Variants in PCLO observed in about 807,000 individuals in gnomAD.
The protein encoded by PCLO is piccolo presynaptic cytomatrix protein.
Under a neutral mutation model 427.5 loss-of-function variants are expected in PCLO, and 82 were observed. That is an observed-to-expected ratio of 0.19 (90% confidence interval 0.16 to 0.23). The LOEUF (loss-of-function observed/expected upper bound fraction) is 0.23, where lower values mean the gene tolerates loss of function less well. Ranked by LOEUF, PCLO falls within the 10% of genes least tolerant of loss-of-function variation. The probability of loss-of-function intolerance (pLI) is 1.00; values close to 1 mark genes in which losing one functional copy is unlikely to be tolerated. For synonymous variants in PCLO, 2,357 were observed against 2,155.4 expected (o/e 1.09, Z -2.59); for missense variants, 6,239 against 6,115.9 (o/e 1.02, Z -0.67).
chr7:82,818,381 C>T (rs573366674), intron 20 of PCLO, among the ~76,000 whole-genome samples: 4 of 152,192 alleles, frequency 2.6e-5, no homozygotes, highest in South Asian at 2.1e-4. Flanking sequence ...CAGATGGACC[C>T]GCAGCCTTTT....
At chr7:82,789,183 G>T (rs2129468349) in intron 22 of PCLO, among the ~76,000 whole-genome samples, 1 of 152,160 alleles carries the variant, frequency 6.6e-6, no homozygotes, top group South Asian at 2.1e-4. Flanking sequence ...ACCACATTCT[G>T]AAAATACATA....
chr7:82,969,147 G>A (rs1795847668), intron 3 of PCLO, among the ~76,000 whole-genome samples: 2 of 152,010 alleles, frequency 1.3e-5, no homozygotes, highest in South Asian at 4.1e-4. Flanking sequence ...AAAATGTGTT[G>A]AGAAAATAAA....
At chr7:83,002,852 A>G (rs868863845) in intron 3 of PCLO, among the ~76,000 whole-genome samples, 3 of 151,850 alleles carry the variant, frequency 2.0e-5, no homozygotes, top group Non-Finnish European at 4.4e-5. Flanking sequence ...GGTACTGTTC[A>G]GTGTTCTGAG....
chr7:83,115,970 G>GCA (rs139425794), intron 3 of PCLO, among the ~76,000 whole-genome samples: 4 of 149,660 alleles, frequency 2.7e-5, no homozygotes, highest in Admixed American at 6.7e-5. Context: ...ACTCTCACAT[G>GCA]CACACACACA....
intron 22 of PCLO, among the ~76,000 whole-genome samples, chr7:82,779,626 AT>A (rs556892530): frequency 1.1e-4 from 17 of 151,814 alleles, no homozygotes; most frequent in Non-Finnish European, 2.2e-4. Flanking sequence ...CAAACAGGAA[AT>A]TTTTTTTCTG....
In PCLO at chr7:82,950,565, A is replaced by G; in HGVS notation, c.10023T>C (p.Tyr3341=). ...AAAATTGACTGCCTTCCAGAGCAGC[A>G]TACTGACCTTCCAAAATTGCCTGCT... ...TTEQAILEGQ[Y]AALEGSQFWA... The change falls in exon 6 of 25, where the codon TAT becomes TAC. Residue 3341 remains tyrosine, a synonymous_variant. Coordinates refer to ENST00000333891, the MANE Select transcript of PCLO (RefSeq NM_033026.6). 1 of 1,613,886 alleles carries G rather than the reference A, an allele frequency of 6.2e-7. No homozygotes were observed.
intron 9 of PCLO, among the ~76,000 whole-genome samples, chr7:82,901,200 A>G (rs1413552095): frequency 2.0e-5 from 3 of 151,904 alleles, no homozygotes; most frequent in East Asian, 1.9e-4. Context: ...TGATCATGTC[A>G]TCAATGTCTT....
At chr7:82,787,896 A>G (rs1206917227) in intron 22 of PCLO, among the ~76,000 whole-genome samples, 1 of 152,168 alleles carries the variant, frequency 6.6e-6, no homozygotes, top group East Asian at 1.9e-4. Flanking sequence ...CTATCAGACT[A>G]TCAAAAGTAA....
At chr7:82,860,534 A>G (rs1410740052) in intron 10 of PCLO, among the ~76,000 whole-genome samples, 1 of 152,134 alleles carries the variant, frequency 6.6e-6, no homozygotes, top group Non-Finnish European at 1.5e-5. Context: ...TCAATACCAG[A>G]GCTGTCCTAC....
At chr7:83,161,941 G>C (rs1415121115) in intron 1 of PCLO, among the ~76,000 whole-genome samples, 1 of 152,080 alleles carries the variant, frequency 6.6e-6, no homozygotes, top group African/African-American at 2.4e-5. Flanking sequence ...AAAAAGACCC[G>C]CAATGGCCAA....
intron 22 of PCLO, among the ~76,000 whole-genome samples, chr7:82,796,660 A>G (rs1791229905): frequency 6.6e-6 from 1 of 151,502 alleles, no homozygotes; most frequent in Non-Finnish European, 1.5e-5. Flanking sequence ...GTAATTAGTC[A>G]TTGCATCATG....
intron 3 of PCLO, among the ~76,000 whole-genome samples, chr7:83,052,891 T>C (rs558204625): frequency 9.9e-5 from 15 of 152,112 alleles, no homozygotes; most frequent in African/African-American, 2.9e-4. Flanking sequence ...TAATCTACTA[T>C]ATAATCCTCC....
chr7:82,912,774 T>C (rs1794353808), intron 7 of PCLO, among the ~76,000 whole-genome samples: 2 of 152,054 alleles, frequency 1.3e-5, no homozygotes, highest in South Asian at 2.1e-4. Context: ...GCTCTACATA[T>C]ATGTAAGTGC....
chr7:82,805,707 G>T lies in PCLO; in HGVS notation c.14914C>A (p.Leu4972Ile), dbSNP rs1336512602. The change falls in exon 21 of 25, where the codon CTA becomes ATA. Residue 4972 changes from leucine (L) to isoleucine (I), a missense_variant. Transcript: ENST00000333891. ...GSSSTAGETN[L>I]FPIPRIGKMG... Reference sequence around the variant, plus strand: ...ACTTACATCCTCGGAATAGGAAATAGATTAGTCTCCCCTGCAGTGCTGCTG... The same window carrying T: ...ACTTACATCCTCGGAATAGGAAATATATTAGTCTCCCCTGCAGTGCTGCTG... 15 of 1,612,846 alleles carry T rather than the reference G, an allele frequency of 9.3e-6. No individual in the cohort carries two copies. Among genetic ancestry groups the T allele is most frequent in the Non-Finnish European group, 1.3e-5 (15 of 1,179,504 alleles).
intron 3 of PCLO, among the ~76,000 whole-genome samples, chr7:83,090,163 G>T (rs1200246788): frequency 6.6e-6 from 1 of 152,054 alleles, no homozygotes; most frequent in African/African-American, 2.4e-5. Flanking sequence ...TTAGCTGGGC[G>T]TGGTGGTGCA....
At chr7:82,805,886 T>C in intron 20 of PCLO, 57 bp from the exon 21 acceptor site, 1 of 1,484,218 alleles carries the variant, frequency 6.7e-7, no homozygotes, top group Non-Finnish European at 9.2e-7. Flanking sequence ...GACATTGATC[T>C]ACAAATGCAT....
At chr7:82,820,157 A>G (rs1791759061) in intron 20 of PCLO, among the ~76,000 whole-genome samples, 1 of 152,180 alleles carries the variant, frequency 6.6e-6, no homozygotes, top group Non-Finnish European at 1.5e-5. Context: ...ACCTTCCTCT[A>G]TCCAGGAACC....
At chr7:83,018,490 G>T (rs1005511760) in intron 3 of PCLO, among the ~76,000 whole-genome samples, 1 of 151,596 alleles carries the variant, frequency 6.6e-6, no homozygotes. Context: ...AAATAATATC[G>T]AATTTTGATA....
At chr7:82,767,513 A>T (rs1365031410) in intron 22 of PCLO, among the ~76,000 whole-genome samples, 1 of 152,106 alleles carries the variant, frequency 6.6e-6, no homozygotes, top group Non-Finnish European at 1.5e-5. Context: ...ACATCATGGT[A>T]CAAAATGAGA....
Sources: gnomAD v4.1 joint callset for allele counts (sites outside exome capture counted in the v4.1 genomes callset) on GRCh38, gnomAD v4.1.1 for gene constraint, MANE v1.5 for transcripts, NCBI Gene and HGNC (gene_info 2026-07-23, HGNC 2026-07-21) for gene names.